RFX4: variants seen among roughly 807,000 people sequenced by gnomAD.
The protein encoded by RFX4 is regulatory factor X4, also known as transcription factor RFX4.
A neutral mutation model predicts 95.0 loss-of-function variants in RFX4; 10 were observed. That is an observed-to-expected ratio of 0.11 (90% CI 0.06 to 0.18). RFX4 has a LOEUF of 0.18. RFX4 is among the 10% of genes least tolerant of loss of function. RFX4 has a pLI of 1.00. For synonymous variants in RFX4, 321 were observed against 340.7 expected, an observed-to-expected ratio of 0.94 and a Z score of 0.64; for missense variants, 640 against 922.0, an observed-to-expected ratio of 0.69 and a Z score of 3.96.
chr12:106,658,693 T>C (rs1434544336), intron 4 of RFX4, among the ~76,000 whole-genome samples: 6 of 152,120 alleles, frequency 3.9e-5, no homozygotes, highest in African/African-American at 1.4e-4. Flanking sequence ...ATAAGTGCCT[T>C]CTGCTATGAC....
intron 4 of RFX4, among the ~76,000 whole-genome samples, chr12:106,672,334 C>A (rs1483816996): frequency 6.6e-6 from 1 of 152,102 alleles, no homozygotes; most frequent in African/African-American, 2.4e-5. Context: ...TGCTTCCCAC[C>A]CCTATCCCTG....
In RFX4 at chr12:106,746,282, G is replaced by C. The variant is rs183703118; in HGVS notation, c.1634-1155G>C. The stretch of plus-strand genomic sequence containing the variant: ...GAGGCCGGAGAATCACTCGAACCCA[G>C]GAGGTGGAGGTTGCAGTGAGCTGAG... On this transcript the variant is annotated intron_variant, in intron 15 of 17. Coordinates refer to ENST00000392842, the MANE Select transcript of RFX4 (RefSeq NM_213594.3). Among the ~76,000 whole-genome samples, 37 of 151,938 alleles carry C rather than the reference G, an allele frequency of 2.4e-4. No individual in the cohort carries two copies. In the East Asian group the frequency reaches 2.5e-3, roughly 10 times the overall value.
chr12:106,658,923 C>G (rs547678574), intron 4 of RFX4, among the ~76,000 whole-genome samples: 69 of 152,250 alleles, frequency 4.5e-4, no homozygotes, highest in Middle Eastern at 3.4e-3. Context: ...GTGTTACACC[C>G]TGATTCTTAG....
chr12:106,669,813 T>G (rs1442604955), intron 4 of RFX4, among the ~76,000 whole-genome samples: 1 of 151,344 alleles, frequency 6.6e-6, no homozygotes, highest in African/African-American at 2.4e-5. Flanking sequence ...ACAGAATGTC[T>G]GATTTCACAC....
intron 1 of RFX4, chr12:106,585,869 C>G (rs1202023171): frequency 1.3e-5 from 2 of 152,234 alleles, no homozygotes; most frequent in Non-Finnish European, 2.9e-5. Flanking sequence ...CGAAGTGCCT[C>G]GGGCCCGGGA....
At chr12:106,687,653 T>C (rs1287327079) in intron 6 of RFX4, among the ~76,000 whole-genome samples, 2 of 152,136 alleles carry the variant, frequency 1.3e-5, no homozygotes, top group Non-Finnish European at 2.9e-5. Flanking sequence ...ATCCTAGTAA[T>C]GCAAGATGTT....
intron 4 of RFX4, among the ~76,000 whole-genome samples, chr12:106,657,820 C>T (rs1592905240): frequency 6.6e-6 from 1 of 152,058 alleles, no homozygotes; most frequent in South Asian, 2.1e-4. Context: ...TCCTTCCTTA[C>T]CATGCTTTAT....
chr12:106,757,547 C>CAA (rs559762867), intron 17 of RFX4, among the ~76,000 whole-genome samples: 11 of 56,536 alleles, frequency 1.9e-4, no homozygotes, highest in East Asian at 5.9e-4. Flanking sequence ...GACCCTGTCT[C>CAA]AAAAAAAAAA....
chr12:106,591,261 CCTT>C (rs754867523), intron 1 of RFX4, among the ~76,000 whole-genome samples: 349 of 66,400 alleles, frequency 5.3e-3, no homozygotes, highest in African/African-American at 0.022. Context: ...TAAAATAGTC[CCTT>C]TTTTTTTTTT....
At chr12:106,730,749 C>G (rs1317900292) in intron 13 of RFX4, among the ~76,000 whole-genome samples, 3 of 152,150 alleles carry the variant, frequency 2.0e-5, no homozygotes, top group African/African-American at 7.2e-5. Flanking sequence ...GCCTGTAATC[C>G]CAGCACCTTG....
chr12:106,605,933 A>G (rs1251999314), intron 1 of RFX4, among the ~76,000 whole-genome samples: 2 of 151,998 alleles, frequency 1.3e-5, no homozygotes, highest in East Asian at 3.9e-4. Flanking sequence ...ACCCTCTCCC[A>G]CTTCTTGTAG....
intron 1 of RFX4, among the ~76,000 whole-genome samples, chr12:106,597,558 A>T (rs989563252): frequency 1.3e-5 from 2 of 152,204 alleles, no homozygotes; most frequent in African/African-American, 2.4e-5. Flanking sequence ...GCTGTTACTG[A>T]TACTACTCCG....
chr12:106,586,701 GC>G lies in RFX4; in HGVS notation c.43+3343del, dbSNP rs1165848824. ...GGTGGGAGGGCACGCTAGTTTACAG[GC>G]CCCCAGCTCAGCACAAATTCTTTCT... On this transcript the variant is annotated intron_variant, in intron 1 of 17. Coordinates refer to ENST00000392842, the MANE Select transcript of RFX4 (RefSeq NM_213594.3). This position sits in a 1 kb window ranked among gnomAD's most constrained non-coding sequence, Gnocchi z 5.6. Among the ~76,000 whole-genome samples, 1 of 152,154 alleles carries G rather than the reference GC, an allele frequency of 6.6e-6. No individual in the cohort carries two copies. The highest frequency in any genetic ancestry group is 2.4e-5 in the African/African-American group (1 of 41,448).
At chr12:106,723,329 T>C (rs2042430305) in intron 13 of RFX4, among the ~76,000 whole-genome samples, 1 of 152,216 alleles carries the variant, frequency 6.6e-6, no homozygotes, top group African/African-American at 2.4e-5. Context: ...GTTTTGTTTT[T>C]AAAAAACACC....
rs551277016 is a variant in RFX4 at position 106,715,159 on chromosome 12, G to C, written c.994-241G>C. On this transcript the variant is annotated intron_variant, in intron 10 of 17. Coordinates refer to ENST00000392842, the MANE Select transcript of RFX4 (RefSeq NM_213594.3). ...AAACAGCAGGGTTTGGTCTGGCCTA[G>C]CCCACCCTCGCAGTTTCTTGTAGAG... 1.6e-5 allele frequency: 7 copies of C among 448,336 alleles called. No homozygotes were observed. In the East Asian group the frequency reaches 2.7e-4, roughly 17 times the overall value. The allele number at this position is 448,336 out of a possible 1,614,324, so 27.8% of individuals were successfully genotyped here. A position where few individuals can be genotyped will look rare whatever the true frequency, so the allele number is the denominator to read the frequency against.
intron 2 of RFX4, among the ~76,000 whole-genome samples, chr12:106,634,127 T>A (rs2040467934): frequency 6.6e-6 from 1 of 152,218 alleles, no homozygotes; most frequent in Admixed American, 6.5e-5. Flanking sequence ...GAGCTTGGAT[T>A]CTCAGATATT....
At chr12:106,698,403 G>A (rs1423557436) in intron 8 of RFX4, among the ~76,000 whole-genome samples, 7 of 152,050 alleles carry the variant, frequency 4.6e-5, no homozygotes, top group South Asian at 2.1e-4. Flanking sequence ...CCCAGCCTGC[G>A]GAGTAGCTAG....
At chr12:106,704,530 G>T (rs759879576) in intron 8 of RFX4, among the ~76,000 whole-genome samples, 4 of 152,146 alleles carry the variant, frequency 2.6e-5, no homozygotes, top group Non-Finnish European at 5.9e-5. Context: ...AATGAGAATT[G>T]GTACTAGAAG....
intron 3 of RFX4, among the ~76,000 whole-genome samples, chr12:106,653,660 C>T (rs1442198559): frequency 6.6e-6 from 1 of 152,194 alleles, no homozygotes; most frequent in Non-Finnish European, 1.5e-5. Context: ...CTAAAGTAAT[C>T]ATGGGGCCAA....
Sources: gnomAD v4.1 joint callset for allele counts (sites outside exome capture counted in the v4.1 genomes callset) on GRCh38, gnomAD v4.1.1 for gene constraint, Gnocchi (gnomAD v3.1) non-coding constraint, MANE v1.5 for transcripts, NCBI Gene and HGNC (gene_info 2026-07-23, HGNC 2026-07-21) for gene names.